Variants in LRMDA observed in about 807,000 individuals in gnomAD.
LRMDA encodes the protein leucine-rich melanocyte differentiation-associated protein.
In LRMDA, 18 loss-of-function variants were observed where a neutral mutation model predicts 29.8. The observed-to-expected ratio is 0.60, with a 90% confidence interval of 0.42 to 0.90. LRMDA has a LOEUF of 0.90. LRMDA is among the 40% of genes least tolerant of loss of function. The pLI is 0.00. For missense variants in LRMDA, 273 were observed against 273.9 expected (o/e 1.00, Z 0.02); for synonymous variants, 125 against 109.4 (o/e 1.14, Z -0.89).
At chr10:75,617,350 T>C (rs564964871) in intron 2 of LRMDA, among the ~76,000 whole-genome samples, 1 of 152,156 alleles carries the variant, frequency 6.6e-6, no homozygotes, top group African/African-American at 2.4e-5. Context: ...ATTTAGCAAA[T>C]GGCTGGTTGG....
intron 2 of LRMDA, among the ~76,000 whole-genome samples, chr10:75,768,781 A>G (rs572731106): frequency 6.6e-6 from 1 of 152,304 alleles, no homozygotes; most frequent in African/African-American, 2.4e-5. Context: ...ATATAGTACA[A>G]TGGGATTGTA....
At chr10:75,699,446 A>C (rs1244758688) in intron 2 of LRMDA, among the ~76,000 whole-genome samples, 1 of 152,200 alleles carries the variant, frequency 6.6e-6, no homozygotes, top group African/African-American at 2.4e-5. Flanking sequence ...TGCTTACTTT[A>C]AATTTGGAAA....
At chr10:75,567,834 A>G (rs751931385) in intron 2 of LRMDA, among the ~76,000 whole-genome samples, 4 of 152,192 alleles carry the variant, frequency 2.6e-5, no homozygotes, top group Non-Finnish European at 5.9e-5. Context: ...AAATTTAAGA[A>G]GATTATACTT....
intron 6 of LRMDA, among the ~76,000 whole-genome samples, chr10:76,354,633 G>A (rs950838323): frequency 2.6e-5 from 4 of 152,144 alleles, no homozygotes; most frequent in Non-Finnish European, 5.9e-5. Context: ...TAGGTGAAAT[G>A]AGTGGTAAAA....
chr10:75,741,053 C>T (rs533096445), intron 2 of LRMDA, among the ~76,000 whole-genome samples: 1 of 152,292 alleles, frequency 6.6e-6, no homozygotes, highest in African/African-American at 2.4e-5. Context: ...TAGACTACCA[C>T]TAGCTTAGCA....
intron 6 of LRMDA, among the ~76,000 whole-genome samples, chr10:76,374,823 C>A (rs547281489): frequency 6.6e-6 from 1 of 152,240 alleles, no homozygotes; most frequent in African/African-American, 2.4e-5. Flanking sequence ...TCAAGAAATT[C>A]TTGAATCATG....
intron 2 of LRMDA, among the ~76,000 whole-genome samples, chr10:75,949,497 C>T (rs1367800477): frequency 6.6e-6 from 1 of 152,136 alleles, no homozygotes; most frequent in Non-Finnish European, 1.5e-5. Context: ...ATGATGGGCT[C>T]ACGTGGTTTT....
intron 6 of LRMDA, among the ~76,000 whole-genome samples, chr10:76,490,779 A>T (rs577713017): frequency 6.6e-6 from 1 of 151,976 alleles, no homozygotes; most frequent in African/African-American, 2.4e-5. Context: ...TACATGTATT[A>T]TTATTGATAA....
chr10:75,919,924 C>T (rs983423815), intron 2 of LRMDA, among the ~76,000 whole-genome samples: 5 of 152,090 alleles, frequency 3.3e-5, no homozygotes, highest in Middle Eastern at 3.4e-3. Context: ...TTTTCAGAAA[C>T]GCATTGTCCC....
chr10:76,383,013 A>G (rs1180961937), intron 6 of LRMDA, among the ~76,000 whole-genome samples: 1 of 152,206 alleles, frequency 6.6e-6, no homozygotes, highest in African/African-American at 2.4e-5. Flanking sequence ...GTTTTATAGG[A>G]GCCACAGTCA....
At chr10:76,447,053 C>CTTT (rs56294340) in intron 6 of LRMDA, among the ~76,000 whole-genome samples, 3 of 146,018 alleles carry the variant, frequency 2.1e-5, no homozygotes, top group African/African-American at 7.7e-5. Flanking sequence ...TGATTTCTTT[C>CTTT]TTTTTTTTTT....
Position 76,196,621 on chromosome 10 carries a change from C to T in LRMDA, c.517-127780C>T, listed in dbSNP as rs116388812. Among the ~76,000 whole-genome samples the T allele has an allele frequency of 8.6e-3, 1,314 of 152,294 alleles. 22 individuals carry two copies. Among genetic ancestry groups the T allele is most frequent in the African/African-American group, 0.03 (1,249 of 41,556 alleles). ...CAGGACAGAATACTGGGCCAGATCC[C>T]CCCTCCATCCCACTTAACTGTGCCT... On this transcript the variant is annotated intron_variant, in intron 5 of 6. Transcript: ENST00000611255.
At chr10:76,102,706 G>T (rs1342534909) in intron 5 of LRMDA, among the ~76,000 whole-genome samples, 1 of 152,112 alleles carries the variant, frequency 6.6e-6, no homozygotes, top group Non-Finnish European at 1.5e-5. Context: ...AAGCTGTACT[G>T]CAGTGGCGCA....
chr10:76,274,457 T>C (rs1840106900), intron 5 of LRMDA, among the ~76,000 whole-genome samples: 1 of 152,186 alleles, frequency 6.6e-6, no homozygotes, highest in African/African-American at 2.4e-5. Flanking sequence ...AGACTGGTAA[T>C]GCATGGCCAG....
At chr10:76,528,117 C>T (rs1843197467) in intron 6 of LRMDA, among the ~76,000 whole-genome samples, 1 of 152,076 alleles carries the variant, frequency 6.6e-6, no homozygotes, top group Non-Finnish European at 1.5e-5. Context: ...TTTTGAAAAG[C>T]ATTTTGGCCC....
chr10:76,005,123 A>G (rs1275044125), intron 2 of LRMDA, among the ~76,000 whole-genome samples: 3 of 152,122 alleles, frequency 2.0e-5, no homozygotes, highest in African/African-American at 7.2e-5. Flanking sequence ...CCCTCCAACA[A>G]GGTAGCATTT....
intron 5 of LRMDA, among the ~76,000 whole-genome samples, chr10:76,191,560 GA>G (rs1851247209): frequency 6.6e-6 from 1 of 152,196 alleles, no homozygotes; most frequent in Non-Finnish European, 1.5e-5. Context: ...GCAACTTGGG[GA>G]ATGTGGCTGG....
chr10:75,602,872 G>A (rs1840905295), intron 2 of LRMDA, among the ~76,000 whole-genome samples: 1 of 152,136 alleles, frequency 6.6e-6, no homozygotes, highest in African/African-American at 2.4e-5. Flanking sequence ...CAAGCAATTT[G>A]TTGTGAAAGA....
chr10:75,601,197 T>A (rs895923840), intron 2 of LRMDA: 1 of 152,178 alleles, frequency 6.6e-6, no homozygotes, highest in Non-Finnish European at 1.5e-5. Context: ...CTAATATGTT[T>A]CCCCACATCC....
Sources: gnomAD v4.1 joint callset for allele counts (sites outside exome capture counted in the v4.1 genomes callset) on GRCh38, gnomAD v4.1.1 for gene constraint, MANE v1.5 for transcripts, NCBI Gene and HGNC (gene_info 2026-07-23, HGNC 2026-07-21) for gene names.